SLIT2: variants seen among roughly 807,000 people sequenced by gnomAD.
SLIT2 encodes slit homolog 2 protein.
A neutral mutation model predicts 185.7 loss-of-function variants in SLIT2; 41 were observed. The observed-to-expected ratio is 0.22, with a 90% CI of 0.17 to 0.29. SLIT2 has a LOEUF of 0.29. Ranked by LOEUF, SLIT2 falls within the 10% of genes least tolerant of loss-of-function variation. The pLI is 1.00. For missense variants in SLIT2, 1,571 were observed against 1,909.0 expected (o/e 0.82, Z 3.30); for synonymous variants, 693 against 680.2 (o/e 1.02, Z -0.29).
In SLIT2 at chr4:20,617,999, G is replaced by A. The variant is rs886538300; in HGVS notation, c.4348+349G>A. ...ACTTTACTCCTGTCTTACCTTTACCGGCTGTTCTCATCCGTATATATTATT... is the reference window on the plus strand; with the variant it reads ...ACTTTACTCCTGTCTTACCTTTACCAGCTGTTCTCATCCGTATATATTATT... On this transcript the variant is annotated intron_variant, in intron 36 of 36. Coordinates refer to ENST00000504154, the MANE Select transcript of SLIT2 (RefSeq NM_004787.4). Among the ~76,000 whole-genome samples the A allele has an allele frequency of 3.3e-5, 5 of 152,054 alleles. No individual in the cohort carries two copies. In the East Asian group the frequency reaches 5.8e-4, roughly 18 times the overall value.
chr4:20,435,718 G>T (rs1473170837), intron 4 of SLIT2, among the ~76,000 whole-genome samples: 2 of 152,136 alleles, frequency 1.3e-5, no homozygotes, highest in African/African-American at 4.8e-5. Flanking sequence ...GAATAACAGG[G>T]TGTTGACTCT....
chr4:20,490,164 A>G (rs1453829892), intron 8 of SLIT2, among the ~76,000 whole-genome samples: 2 of 152,176 alleles, frequency 1.3e-5, no homozygotes, highest in Non-Finnish European at 2.9e-5. Context: ...TCAATAGCTA[A>G]CGTTTACTGA....
At chr4:20,329,164 G>C (rs537502277) in intron 4 of SLIT2, among the ~76,000 whole-genome samples, 423 of 152,014 alleles carry the variant, frequency 2.8e-3, no homozygotes, top group African/African-American at 9.4e-3. Context: ...ATATATTATA[G>C]GGTATTAACT....
intron 4 of SLIT2, among the ~76,000 whole-genome samples, chr4:20,286,336 T>C (rs891492538): frequency 6.6e-6 from 1 of 152,194 alleles, no homozygotes; most frequent in African/African-American, 2.4e-5. Context: ...CACTCTTGGC[T>C]CCTTTTCCCT....
rs1715681744 is a variant in SLIT2 at position 20,472,647 on chromosome 4, T to TCG, written c.467+4824_467+4825insCG. On this transcript the variant is annotated intron_variant, in intron 5 of 36. Transcript: ENST00000504154. ...ATATATCTATATATATCGATATATATATTTAAAAGCCTTAACACTGATGCA... is the reference window on the plus strand; with the variant it reads ...ATATATCTATATATATCGATATATATCGATTTAAAAGCCTTAACACTGATGCA... Among the ~76,000 whole-genome samples, 2 of 137,494 alleles carry TCG rather than the reference T, an allele frequency of 1.5e-5. 1 individual carries two copies. Among genetic ancestry groups the TCG allele is most frequent in the East Asian group, 4.2e-4 (2 of 4,786 alleles). The allele number at this position is 137,494 out of a possible 152,430, so 90.2% of individuals were successfully genotyped here.
intron 3 of SLIT2, among the ~76,000 whole-genome samples, chr4:20,261,681 G>A (rs1420892971): frequency 6.6e-6 from 1 of 151,784 alleles, no homozygotes; most frequent in East Asian, 1.9e-4. Context: ...ATTTTTTAGG[G>A]TTGTTATAGG....
At chr4:20,395,230 C>T (rs1433459093) in intron 4 of SLIT2, among the ~76,000 whole-genome samples, 1 of 151,794 alleles carries the variant, frequency 6.6e-6, no homozygotes, top group African/African-American at 2.4e-5. Flanking sequence ...AATCCTGGGC[C>T]GAGATGTGAA....
At chr4:20,582,016 G>A (rs1205900676) in intron 29 of SLIT2, among the ~76,000 whole-genome samples, 1 of 152,174 alleles carries the variant, frequency 6.6e-6, no homozygotes, top group Non-Finnish European at 1.5e-5. Flanking sequence ...CAAAGTGCTG[G>A]GATTACAGGC....
At chr4:20,502,995 T>C (rs1019433041) in intron 9 of SLIT2, among the ~76,000 whole-genome samples, 8 of 151,996 alleles carry the variant, frequency 5.3e-5, no homozygotes, top group African/African-American at 7.2e-5. Flanking sequence ...CCCTAAAACT[T>C]CTATGGGAAA....
chr4:20,325,070 C>T lies in SLIT2; in HGVS notation c.395+56189C>T, dbSNP rs571361611. Among the ~76,000 whole-genome samples, 5 of 152,062 alleles carry T rather than the reference C, an allele frequency of 3.3e-5. No individual in the cohort carries two copies. The East Asian group carries it at 9.7e-4, about 30-fold the overall frequency. ...CTTCTCTCCCTTTCCTTTTTGCTTTCTCTTTTCTTCCTCTCCCTCCTAAGC... is the reference window on the plus strand; with the variant it reads ...CTTCTCTCCCTTTCCTTTTTGCTTTTTCTTTTCTTCCTCTCCCTCCTAAGC... On this transcript the variant is annotated intron_variant, in intron 4 of 36. Coordinates refer to ENST00000504154, the MANE Select transcript of SLIT2 (RefSeq NM_004787.4).
chr4:20,280,984 C>T (rs1310557733), intron 4 of SLIT2, among the ~76,000 whole-genome samples: 1 of 152,038 alleles, frequency 6.6e-6, no homozygotes. Flanking sequence ...AGGCATGCGC[C>T]ACCACGCCCG....
rs1560453141 is a variant in SLIT2, at chr4:20,472,318, A to ATATATC, written c.467+4500_467+4501insCTATAT. ...TAGATATATAGATCTATATATAGAT[A>ATATATC]TATATATCTATATATAGATCTATAT... is the stretch of plus-strand genomic sequence containing the variant. On this transcript the variant is annotated intron_variant, in intron 5 of 36. Transcript: ENST00000504154. Among the ~76,000 whole-genome samples the ATATATC allele has an allele frequency of 4.5e-3, 42 of 9,346 alleles. 4 individuals carry two copies. The East Asian group carries it at 0.2, about 44-fold the overall frequency. The allele number at this position is 9,346 out of a possible 152,430, so 6.1% of individuals were successfully genotyped here. A position where few individuals can be genotyped will look rare whatever the true frequency, so the allele number is the denominator to read the frequency against.
At position 20,618,824 on chromosome 4, in the gene SLIT2, G is replaced by C. The variant is rs1426216413; in HGVS notation, c.4405G>C (p.Ala1469Pro). The C allele has an allele frequency of 1.2e-6, 2 of 1,613,926 alleles. No individual in the cohort carries two copies. The highest frequency in any genetic ancestry group is 1.7e-6 in the Non-Finnish European group (2 of 1,179,900). The change falls in exon 37 of 37, where the codon GCT (alanine) becomes CCT (proline). Residue 1469 changes from alanine to proline, a missense_variant. By Grantham distance (27) the Ala-to-Pro change is conservative. Around this residue, in one of 3 missense-constraint regions of SLIT2, gnomAD observed 223 missense variants for 245.2 expected, o/e 0.91. Coordinates refer to ENST00000504154, the MANE Select transcript of SLIT2 (RefSeq NM_004787.4). The part of the protein sequence containing the change: ...RDYYQKQQGY[A>P]ACQTTKKVSR... Reference sequence around the variant, plus strand: ...TTATTACCAAAAGCAGCAGGGCTATGCTGCTTGCCAAACAACCAAGAAGGT... The same window carrying C: ...TTATTACCAAAAGCAGCAGGGCTATCCTGCTTGCCAAACAACCAAGAAGGT...
intron 26 of SLIT2, among the ~76,000 whole-genome samples, chr4:20,554,951 G>C (rs1256928409): frequency 6.6e-6 from 1 of 152,010 alleles, no homozygotes; most frequent in Admixed American, 6.6e-5. Context: ...TGTATTTTTA[G>C]TAGAGACGGG....
At chr4:20,340,848 G>T (rs1400951542) in intron 4 of SLIT2, among the ~76,000 whole-genome samples, 1 of 152,144 alleles carries the variant, frequency 6.6e-6, no homozygotes, top group Admixed American at 6.5e-5. Flanking sequence ...TGATCGGCCT[G>T]CCTCGGCCTC....
At chr4:20,417,962 T>G (rs1214924026) in intron 4 of SLIT2, among the ~76,000 whole-genome samples, 2 of 152,192 alleles carry the variant, frequency 1.3e-5, no homozygotes, top group Non-Finnish European at 2.9e-5. Context: ...CATAACTATC[T>G]TTCACCTTGT....
At chr4:20,359,830 C>T (rs958259745) in intron 4 of SLIT2, among the ~76,000 whole-genome samples, 3 of 151,896 alleles carry the variant, frequency 2.0e-5, no homozygotes, top group Non-Finnish European at 4.4e-5. Flanking sequence ...GTTTAGCAGA[C>T]CTACAAAGTC....
intron 4 of SLIT2, among the ~76,000 whole-genome samples, chr4:20,399,568 G>C (rs2109393700): frequency 6.6e-6 from 1 of 151,728 alleles, no homozygotes; most frequent in Admixed American, 6.6e-5. Flanking sequence ...CCCTATTTTT[G>C]TTTATTGACT....
At chr4:20,521,636 G>C (rs77930478) in intron 12 of SLIT2, among the ~76,000 whole-genome samples, 10 of 152,168 alleles carry the variant, frequency 6.6e-5, no homozygotes, top group African/African-American at 2.2e-4. Flanking sequence ...GAGAGGTGTG[G>C]GGTTAATCAG....
Sources: allele counts gnomAD v4.1 joint callset (sites outside exome capture counted in the v4.1 genomes callset), GRCh38; gene constraint gnomAD v4.1.1; regional missense constraint gnomAD v4.1.1; transcripts MANE v1.5; gene names NCBI Gene and HGNC (gene_info 2026-07-23, HGNC 2026-07-21).